Variants in AGBL4 observed in about 807,000 individuals in gnomAD.
The protein encoded by AGBL4 is AGBL carboxypeptidase 4.
A neutral mutation model predicts 66.4 loss-of-function variants in AGBL4; 58 were observed. That is an observed-to-expected ratio of 0.87 (90% CI 0.71 to 1.09). AGBL4 has a LOEUF of 1.09. AGBL4 is among the 50% of genes least tolerant of loss of function. The pLI, the probability that AGBL4 is intolerant of heterozygous loss-of-function variation, is 0.00. For missense variants in AGBL4, 579 were observed against 631.0 expected (o/e 0.92, Z 0.88); for synonymous variants, 234 against 222.9 (o/e 1.05, Z -0.44).
chr1:49,951,016 T>C (rs1053044683), intron 1 of AGBL4, among the ~76,000 whole-genome samples: 1 of 151,626 alleles, frequency 6.6e-6, no homozygotes, highest in Admixed American at 6.6e-5. Context: ...CACACTTATA[T>C]GTAGAATCAG....
intron 5 of AGBL4, among the ~76,000 whole-genome samples, chr1:48,943,955 T>C (rs978087840): frequency 6.6e-6 from 1 of 152,166 alleles, no homozygotes; most frequent in African/African-American, 2.4e-5. Context: ...AACAATAGCA[T>C]GCCAGGGCTA....
intron 4 of AGBL4, among the ~76,000 whole-genome samples, chr1:49,155,203 A>G (rs1315602293): frequency 6.6e-6 from 1 of 152,168 alleles, no homozygotes; most frequent in African/African-American, 2.4e-5. Context: ...CAATGTAGAT[A>G]ATATCTTACC....
chr1:48,891,121 T>C (rs554467981), intron 5 of AGBL4, among the ~76,000 whole-genome samples: 1 of 152,196 alleles, frequency 6.6e-6, no homozygotes, highest in East Asian at 1.9e-4. Flanking sequence ...TTACTGAGTT[T>C]GTAGAACAAG....
At chr1:49,276,121 TACAC>T (rs150008463) in intron 3 of AGBL4, among the ~76,000 whole-genome samples, 1 of 150,764 alleles carries the variant, frequency 6.6e-6, no homozygotes, top group African/African-American at 2.4e-5. Context: ...TACATATATA[TACAC>T]ACACACACAC....
intron 5 of AGBL4, among the ~76,000 whole-genome samples, chr1:48,984,353 T>C (rs1660006136): frequency 6.6e-6 from 1 of 151,490 alleles, no homozygotes; most frequent in Admixed American, 6.6e-5. Flanking sequence ...TCTGCTACAT[T>C]GGGTTCTATG....
intron 4 of AGBL4, among the ~76,000 whole-genome samples, chr1:49,082,053 T>C (rs1644818351): frequency 6.6e-6 from 1 of 152,194 alleles, no homozygotes; most frequent in African/African-American, 2.4e-5. Context: ...CCAAAGCAGA[T>C]GCCAAGGATG....
intron 6 of AGBL4, among the ~76,000 whole-genome samples, chr1:48,718,406 A>T (rs1030393779): frequency 1.6e-4 from 24 of 152,218 alleles, no homozygotes; most frequent in Admixed American, 1.6e-3. Context: ...AACACCTCCC[A>T]AAGCTCCCTA....
At chr1:49,174,828 TG>T (rs1258046830) in intron 4 of AGBL4, 1 of 151,416 alleles carries the variant, frequency 6.6e-6, no homozygotes, top group East Asian at 1.9e-4. Context: ...TAAACTCAAA[TG>T]GCAGGGAAAA....
intron 2 of AGBL4, among the ~76,000 whole-genome samples, chr1:49,770,974 T>G (rs2147883074): frequency 6.6e-6 from 1 of 152,230 alleles, no homozygotes; most frequent in Admixed American, 6.5e-5. Context: ...ATTTCATTGA[T>G]TTTTAAATTT....
chr1:49,905,701 G>C (rs1650205883), intron 1 of AGBL4, among the ~76,000 whole-genome samples: 1 of 152,068 alleles, frequency 6.6e-6, no homozygotes, highest in Non-Finnish European at 1.5e-5. Flanking sequence ...AATTTCAACA[G>C]ATCCTAAAAT....
At chr1:49,936,398 G>C (rs1366922587) in intron 1 of AGBL4, among the ~76,000 whole-genome samples, 1 of 152,184 alleles carries the variant, frequency 6.6e-6, no homozygotes, top group African/African-American at 2.4e-5. Flanking sequence ...ATGGAACCAA[G>C]TTGGAAAACA....
chr1:49,317,743 G>T (rs933418800), intron 3 of AGBL4, among the ~76,000 whole-genome samples: 4 of 151,844 alleles, frequency 2.6e-5, no homozygotes, highest in African/African-American at 9.7e-5. Flanking sequence ...ATAAGTAAGA[G>T]GAGACATTTG....
At chr1:49,911,846 C>T (rs2148212848) in intron 1 of AGBL4, among the ~76,000 whole-genome samples, 1 of 152,328 alleles carries the variant, frequency 6.6e-6, no homozygotes, top group East Asian at 1.9e-4. Flanking sequence ...CACCTACCCC[C>T]TTACATTGGT....
chr1:49,872,652 T>C (rs1646865785), intron 1 of AGBL4, among the ~76,000 whole-genome samples: 1 of 152,044 alleles, frequency 6.6e-6, no homozygotes, highest in South Asian at 2.1e-4. Flanking sequence ...AGGTTCCTTA[T>C]CAAAAAGGTT....
intron 1 of AGBL4, among the ~76,000 whole-genome samples, chr1:49,931,254 T>C (rs1653321604): frequency 6.6e-6 from 1 of 152,126 alleles, no homozygotes; most frequent in African/African-American, 2.4e-5. Flanking sequence ...AAATAAAGAC[T>C]TAAATAAATG....
chr1:49,206,011 T>C (rs1012147047), intron 4 of AGBL4, among the ~76,000 whole-genome samples: 12 of 152,158 alleles, frequency 7.9e-5, no homozygotes, highest in African/African-American at 2.9e-4. Context: ...AAGGAGATCA[T>C]GTCAGCATTA....
At chr1:49,874,502 C>T (rs1261806164) in intron 1 of AGBL4, among the ~76,000 whole-genome samples, 1 of 151,916 alleles carries the variant, frequency 6.6e-6, no homozygotes, top group African/African-American at 2.4e-5. Context: ...GGGAAAGTGG[C>T]TATAATCCAT....
chr1:48,632,150 G>C (rs182551365), intron 9 of AGBL4, among the ~76,000 whole-genome samples: 1 of 152,094 alleles, frequency 6.6e-6, no homozygotes, highest in Admixed American at 6.6e-5. Context: ...CTGAGGGAGC[G>C]GGGATGCTAT....
chr1:49,331,411 G>A (rs113573046), intron 3 of AGBL4, among the ~76,000 whole-genome samples: 26 of 152,270 alleles, frequency 1.7e-4, no homozygotes, highest in Non-Finnish European at 3.1e-4. Context: ...TCAGGAGGAG[G>A]GACAAGCCGC....
Sources: gnomAD v4.1 joint callset for allele counts (sites outside exome capture counted in the v4.1 genomes callset) on GRCh38, gnomAD v4.1.1 for gene constraint, MANE v1.5 for transcripts, NCBI Gene and HGNC (gene_info 2026-07-23, HGNC 2026-07-21) for gene names.